TYW1B: variants seen among roughly 807,000 people sequenced by gnomAD.
TYW1B encodes the protein tRNA-yW synthesizing protein 1 homolog B, also known as S-adenosyl-L-methionine-dependent tRNA 4-demethylwyosine synthase TYW1B.
In TYW1B, 73 loss-of-function variants were observed where a neutral mutation model predicts 86.9. The observed-to-expected ratio is 0.84, with a 90% confidence interval of 0.70 to 1.02. TYW1B has a LOEUF of 1.02. Among genes scored for constraint, TYW1B ranks in the 50% least tolerant of loss-of-function variants. TYW1B has a pLI of 0.00. For missense variants in TYW1B, 637 were observed against 827.4 expected (o/e 0.77, Z 2.82); for synonymous variants, 248 against 292.8 (o/e 0.85, Z 1.56).
At chr7:72,646,190 G>A (rs1430377247) in intron 11 of TYW1B, among the ~76,000 whole-genome samples, 2 of 151,686 alleles carry the variant, frequency 1.3e-5, no homozygotes, top group Admixed American at 6.6e-5. Flanking sequence ...GAGTAGCTGG[G>A]ACTACAGGTG....
chr7:72,636,984 C>T (rs183068704), intron 11 of TYW1B, among the ~76,000 whole-genome samples: 20 of 152,236 alleles, frequency 1.3e-4, no homozygotes, highest in African/African-American at 4.1e-4. Context: ...TGAGACCAGC[C>T]TCACCAACAT....
At chr7:72,647,795 C>T (rs1347688064) in intron 11 of TYW1B, among the ~76,000 whole-genome samples, 1 of 152,090 alleles carries the variant, frequency 6.6e-6, no homozygotes, top group African/African-American at 2.4e-5. Flanking sequence ...AACCATCCTC[C>T]CACCTCAGCC....
intron 12 of TYW1B, among the ~76,000 whole-genome samples, chr7:72,623,857 A>G (rs1812282331): frequency 6.6e-6 from 1 of 152,128 alleles, no homozygotes; most frequent in African/African-American, 2.4e-5. Context: ...GCTGGAGTAC[A>G]GTGGCACGAT....
chr7:72,718,413 G>A (rs1489995289), intron 9 of TYW1B, among the ~76,000 whole-genome samples: 1 of 152,084 alleles, frequency 6.6e-6, no homozygotes, highest in Non-Finnish European at 1.5e-5. Context: ...AATTCCTGCA[G>A]TACACAATAC....
chr7:72,645,986 T>C (rs1554442028), intron 11 of TYW1B, among the ~76,000 whole-genome samples: 1 of 148,310 alleles, frequency 6.7e-6, no homozygotes, highest in African/African-American at 2.4e-5. Flanking sequence ...ATTACATATG[T>C]TATATGTTAT....
intron 10 of TYW1B, among the ~76,000 whole-genome samples, chr7:72,697,389 C>A (rs1814347945): frequency 6.6e-6 from 1 of 152,056 alleles, no homozygotes; most frequent in Non-Finnish European, 1.5e-5. Flanking sequence ...GTCTACAGAT[C>A]TCTCGTCAAG....
intron 6 of TYW1B, among the ~76,000 whole-genome samples, chr7:72,800,342 C>T (rs1223872655): frequency 2.6e-4 from 40 of 152,010 alleles, no homozygotes; most frequent in Non-Finnish European, 5.0e-4. Context: ...TGACTACGGG[C>T]ACATGCCACT....
At chr7:72,619,436 TCGAGAC>T (rs1204371790) in intron 12 of TYW1B, among the ~76,000 whole-genome samples, 3 of 151,192 alleles carry the variant, frequency 2.0e-5, no homozygotes, top group African/African-American at 7.3e-5. Flanking sequence ...GGTCAGGAGA[TCGAGAC>T]CATCCTGGCT....
chr7:72,602,054 A>T (rs1196183696), intron 13 of TYW1B, among the ~76,000 whole-genome samples: 3 of 152,200 alleles, frequency 2.0e-5, no homozygotes, highest in Non-Finnish European at 4.4e-5. Flanking sequence ...AAATTTTTTT[A>T]AATGCAGAAG....
chr7:72,786,232 ACT>A (rs1438641583), intron 6 of TYW1B, among the ~76,000 whole-genome samples: 2 of 152,060 alleles, frequency 1.3e-5, no homozygotes, highest in Non-Finnish European at 2.9e-5. Flanking sequence ...CTATTTGAAC[ACT>A]CTGCTGTAAC....
chr7:72,686,838 C>T (rs1161619327), intron 11 of TYW1B, among the ~76,000 whole-genome samples: 2 of 151,974 alleles, frequency 1.3e-5, no homozygotes, highest in African/African-American at 2.4e-5. Context: ...GAACCCTCTG[C>T]TCAATTTTGT....
chr7:72,692,059 A>G (rs1398424503), intron 11 of TYW1B, among the ~76,000 whole-genome samples: 3 of 151,710 alleles, frequency 2.0e-5, no homozygotes, highest in African/African-American at 7.3e-5. Context: ...TACAAAAACT[A>G]GCCGGGCATG....
At chr7:72,692,774 G>A (rs1364177200) in intron 11 of TYW1B, among the ~76,000 whole-genome samples, 12 of 152,144 alleles carry the variant, frequency 7.9e-5, no homozygotes, top group Non-Finnish European at 1.5e-4. Flanking sequence ...TCAAAGAATG[G>A]AAAGAAAGAA....
At chr7:72,601,929 C>T (rs2129568066) in intron 13 of TYW1B, among the ~76,000 whole-genome samples, 1 of 152,180 alleles carries the variant, frequency 6.6e-6, no homozygotes, top group South Asian at 2.1e-4. Flanking sequence ...AGTGCAGGGG[C>T]ATTTTTAGGG....
At chr7:72,725,322 C>T (rs1427318018) in intron 9 of TYW1B, among the ~76,000 whole-genome samples, 1 of 152,180 alleles carries the variant, frequency 6.6e-6, no homozygotes. Context: ...GAGCTGATTC[C>T]TCCTCACACA....
intron 11 of TYW1B, among the ~76,000 whole-genome samples, chr7:72,638,628 C>T (rs1223495821): frequency 6.6e-6 from 1 of 152,218 alleles, no homozygotes; most frequent in African/African-American, 2.4e-5. Flanking sequence ...CTCACCACTG[C>T]TTTTCAACAT....
At chr7:72,752,141 C>T (rs1787511289) in intron 7 of TYW1B, among the ~76,000 whole-genome samples, 1 of 152,152 alleles carries the variant, frequency 6.6e-6, no homozygotes, top group African/African-American at 2.4e-5. Flanking sequence ...CTTGCTAGTG[C>T]CACCCAGCCA....
At chr7:72,613,489 C>A (rs2129568343) in intron 13 of TYW1B, among the ~76,000 whole-genome samples, 1 of 139,970 alleles carries the variant, frequency 7.1e-6, no homozygotes, top group African/African-American at 2.7e-5. Context: ...CTCACTGCAA[C>A]CTCCACCTCC....
At chr7:72,698,175 G>A (rs1167206091) in intron 10 of TYW1B, among the ~76,000 whole-genome samples, 2 of 152,124 alleles carry the variant, frequency 1.3e-5, no homozygotes, top group African/African-American at 4.8e-5. Flanking sequence ...TGAAAGAGAA[G>A]GAGAGAATTA....
Sources: gnomAD v4.1 joint callset for allele counts (sites outside exome capture counted in the v4.1 genomes callset) on GRCh38, gnomAD v4.1.1 for gene constraint, MANE v1.5 for transcripts, NCBI Gene and HGNC (gene_info 2026-07-23, HGNC 2026-07-21) for gene names.